Variants in NT5M observed in about 807,000 individuals in gnomAD.
The protein encoded by NT5M is 5',3'-nucleotidase, mitochondrial.
A neutral mutation model predicts 22.2 loss-of-function variants in NT5M; 22 were observed. That is an observed-to-expected ratio of 0.99 (90% CI 0.71 to 1.41). The LOEUF is 1.41. Ranked by LOEUF, NT5M falls within the 40% of genes most tolerant of loss-of-function variation. The pLI is 0.00. For synonymous variants in NT5M, 167 were observed against 133.0 expected (o/e 1.26, Z -1.76); for missense variants, 322 against 314.8 (o/e 1.02, Z -0.17).
intron 3 of NT5M, among the ~76,000 whole-genome samples, chr17:17,339,549 C>T (rs1052604909): frequency 2.8e-4 from 43 of 152,028 alleles, no homozygotes; most frequent in African/African-American, 9.9e-4. Flanking sequence ...TGTCATGTTC[C>T]CGGTCTTAGA....
At chr17:17,305,394 GCCCC>G (rs34579357) in intron 1 of NT5M, among the ~76,000 whole-genome samples, 2,066 of 74,160 alleles carry the variant, frequency 0.028, 123 homozygotes, top group African/African-American at 0.087. Flanking sequence ...TAAAACAACC[GCCCC>G]CCCCCCCCCG....
chr17:17,321,667 G>A (rs1233632798), intron 2 of NT5M, among the ~76,000 whole-genome samples: 3 of 151,860 alleles, frequency 2.0e-5, no homozygotes, highest in Non-Finnish European at 4.4e-5. Flanking sequence ...TTTCTTCTCC[G>A]GCAACATTTA....
At chr17:17,313,894 C>T (rs1302681181) in intron 2 of NT5M, among the ~76,000 whole-genome samples, 2 of 152,190 alleles carry the variant, frequency 1.3e-5, no homozygotes, top group Non-Finnish European at 2.9e-5. Flanking sequence ...CTGAGATGGC[C>T]TTTGTGGCAC....
In NT5M at chr17:17,327,421, G is replaced by A. The variant is rs1342467734; in HGVS notation, c.429+4176G>A. On this transcript the variant is annotated intron_variant, in intron 3 of 4. Coordinates refer to ENST00000389022, the MANE Select transcript of NT5M (RefSeq NM_020201.4). ...TGCAGTGACACGATCTTGGCTCACTGCAACCTCTGCCTCCTGAGTTTAAGT... is the reference window on the plus strand; with the variant it reads ...TGCAGTGACACGATCTTGGCTCACTACAACCTCTGCCTCCTGAGTTTAAGT... Among the ~76,000 whole-genome samples the A allele has an allele frequency of 1.1e-4, 11 of 97,696 alleles. 2 individuals carry two copies. Among genetic ancestry groups the A allele is most frequent in the African/African-American group, 4.0e-4 (11 of 27,752 alleles). The allele number at this position is 97,696 out of a possible 152,430, so 64.1% of individuals were successfully genotyped here.
intron 2 of NT5M, among the ~76,000 whole-genome samples, chr17:17,314,282 A>T (rs1187901350): frequency 4.1e-4 from 63 of 152,002 alleles, no homozygotes; most frequent in Admixed American, 4.1e-3. Context: ...TGGTCCACCC[A>T]CCTCGGCTTC....
chr17:17,317,537 AGGGCAACAGAAGGCCGGAAGGCCAGCCT>A, intron 2 of NT5M, among the ~76,000 whole-genome samples: 1 of 152,354 alleles, frequency 6.6e-6, no homozygotes, highest in East Asian at 1.9e-4. Context: ...AAGGCTGAGA[AGGGCAACAGAAGGCCGGAAGGCCAGCCT>A]GGGCAACATA....
intron 2 of NT5M, among the ~76,000 whole-genome samples, chr17:17,319,770 G>A (rs1266512635): frequency 1.3e-5 from 2 of 152,210 alleles, no homozygotes; most frequent in African/African-American, 2.4e-5. Context: ...ACCTTTGAGG[G>A]TGGCAGGCGT....
chr17:17,345,155 C>T, intron 4 of NT5M: 4 of 1,088,666 alleles, frequency 3.7e-6, no homozygotes, highest in East Asian at 2.9e-5. Context: ...GGGGAAGTCC[C>T]TTCAGCTTCA....
intron 4 of NT5M, 75 bp downstream of exon 4, chr17:17,344,983 A>C: frequency 6.3e-7 from 1 of 1,592,256 alleles, no homozygotes; most frequent in Non-Finnish European, 8.6e-7. Flanking sequence ...GGCAGTGAGC[A>C]CTCAGTTGCT....
chr17:17,336,293 C>T (rs190654479), intron 3 of NT5M, among the ~76,000 whole-genome samples: 13 of 152,264 alleles, frequency 8.5e-5, no homozygotes, highest in Admixed American at 5.9e-4. Context: ...TGAGCCACCG[C>T]GCCCAGCCTA....
chr17:17,306,343 G>A (rs532061156), intron 1 of NT5M, among the ~76,000 whole-genome samples, 200 bp from the exon 2 acceptor site: 2 of 152,258 alleles, frequency 1.3e-5, no homozygotes, highest in South Asian at 2.1e-4. Flanking sequence ...GGATCCCGAC[G>A]AAGTCAGGTC....
intron 3 of NT5M, among the ~76,000 whole-genome samples, chr17:17,336,941 G>T (rs2049526736): frequency 6.6e-6 from 1 of 152,168 alleles, no homozygotes; most frequent in South Asian, 2.1e-4. Flanking sequence ...ATTGTGAATA[G>T]TGCTGCAATA....
At chr17:17,324,919 G>A (rs2049233634) in intron 3 of NT5M, among the ~76,000 whole-genome samples, 1 of 152,204 alleles carries the variant, frequency 6.6e-6, no homozygotes, top group Non-Finnish European at 1.5e-5. Context: ...CTTACCTGCA[G>A]CCAGTAAATG....
rs1271430498 is a variant in NT5M, at chr17:17,306,631, C to G, written c.356C>G (p.Ala119Gly). 6.2e-7 allele frequency: 1 copy of G among 1,612,750 alleles called. No individual in the cohort carries two copies. The highest frequency in any genetic ancestry group is 1.7e-5 in the Admixed American group (1 of 60,006). Residue 119 changes from alanine to glycine, a missense_variant, in exon 2 of 5, where the codon GCC (alanine) becomes GGC (glycine). Coordinates refer to ENST00000389022, the MANE Select transcript of NT5M (RefSeq NM_020201.4). The stretch of plus-strand genomic sequence containing the variant: ...GCCGTGGAAGCTGTCAAGGAGATGG[C>G]CAGCCTACAAAAGTAAGTTTGTCCT... ...PGAVEAVKEM[A>G]SLQNTDVFIC...
chr17:17,326,763 G>C (rs1461600070), intron 3 of NT5M, among the ~76,000 whole-genome samples: 1 of 152,178 alleles, frequency 6.6e-6, no homozygotes, highest in Non-Finnish European at 1.5e-5. Flanking sequence ...CAGAGGAGTT[G>C]AGATGCTGTT....
intron 3 of NT5M, among the ~76,000 whole-genome samples, chr17:17,342,581 C>T (rs2049667484): frequency 6.6e-6 from 1 of 152,240 alleles, no homozygotes; most frequent in South Asian, 2.1e-4. Flanking sequence ...TCTCTTCCCA[C>T]ACTCCCAGAT....
At chr17:17,309,597 T>C (rs2048880855) in intron 2 of NT5M, among the ~76,000 whole-genome samples, 1 of 152,108 alleles carries the variant, frequency 6.6e-6, no homozygotes, top group Admixed American at 6.6e-5. Flanking sequence ...CTGTTTTACT[T>C]TAGCCATCCT....
intron 2 of NT5M, among the ~76,000 whole-genome samples, chr17:17,316,458 C>A (rs2049029561): frequency 6.6e-6 from 1 of 152,070 alleles, no homozygotes; most frequent in South Asian, 2.1e-4. Flanking sequence ...TCGCTGCAAC[C>A]TTTGCCTCCC....
chr17:17,325,741 C>T (rs77616389), intron 3 of NT5M, among the ~76,000 whole-genome samples: 2 of 152,208 alleles, frequency 1.3e-5, no homozygotes, highest in Non-Finnish European at 1.5e-5. Context: ...ACTGTGCCCC[C>T]CTCTCTGTGT....
Sources: allele counts gnomAD v4.1 joint callset (sites outside exome capture counted in the v4.1 genomes callset), GRCh38; gene constraint gnomAD v4.1.1; transcripts MANE v1.5; gene names NCBI Gene and HGNC (gene_info 2026-07-23, HGNC 2026-07-21).